ZNF804B: variants seen among roughly 807,000 people sequenced by gnomAD.
The protein encoded by ZNF804B is zinc finger 804B.
ZNF804B carries 80 observed loss-of-function variants against 101.4 expected under a neutral mutation model. The ratio of observed to expected loss-of-function variants is 0.79; its 90% CI spans 0.66 to 0.95. The LOEUF (loss-of-function observed/expected upper bound fraction) is 0.95. Ranked by LOEUF, ZNF804B falls within the 40% of genes least tolerant of loss-of-function variation. ZNF804B has a pLI of 0.00. For missense variants in ZNF804B, 1,673 were observed against 1,561.9 expected (o/e 1.07, Z -1.20); for synonymous variants, 622 against 558.8 (o/e 1.11, Z -1.59).
intron 1 of ZNF804B, among the ~76,000 whole-genome samples, chr7:89,072,022 T>C (rs1265295336): frequency 6.6e-6 from 1 of 152,146 alleles, no homozygotes; most frequent in Admixed American, 6.5e-5. Flanking sequence ...TAACCTAAGC[T>C]AGTCTGATAG....
intron 2 of ZNF804B, among the ~76,000 whole-genome samples, chr7:89,239,271 C>T (rs1168746561): frequency 2.0e-5 from 3 of 152,116 alleles, no homozygotes; most frequent in African/African-American, 7.2e-5. Flanking sequence ...AGAGGGCACA[C>T]ACATATGCAG....
intron 1 of ZNF804B, among the ~76,000 whole-genome samples, chr7:89,070,308 G>A (rs1415341792): frequency 6.6e-6 from 1 of 152,180 alleles, no homozygotes; most frequent in Admixed American, 6.5e-5. Flanking sequence ...AGCTTAGCAA[G>A]TCTGAGAAAC....
chr7:88,795,416 A>G (rs1394910547), intron 1 of ZNF804B, among the ~76,000 whole-genome samples: 1 of 152,132 alleles, frequency 6.6e-6, no homozygotes. Context: ...CATGTCACTA[A>G]TAGTTAATAA....
chr7:88,818,980 C>T (rs554234901), intron 1 of ZNF804B, among the ~76,000 whole-genome samples: 8 of 152,072 alleles, frequency 5.3e-5, no homozygotes, highest in Non-Finnish European at 1.2e-4. Context: ...ATTTTAGGCT[C>T]CTCATACAGC....
chr7:89,194,715 G>A (rs527585861), intron 1 of ZNF804B, among the ~76,000 whole-genome samples: 2 of 149,090 alleles, frequency 1.3e-5, no homozygotes, highest in African/African-American at 4.9e-5. Flanking sequence ...GGTTACTGTA[G>A]CCTTGTAGTA....
At chr7:89,289,212 T>C (rs1790250827) in intron 2 of ZNF804B, among the ~76,000 whole-genome samples, 1 of 152,008 alleles carries the variant, frequency 6.6e-6, no homozygotes, top group African/African-American at 2.4e-5. Context: ...ATTAGCAAAG[T>C]AGTAGCCATA....
In ZNF804B at chr7:89,250,954, G is replaced by A. The variant is rs555768307; in HGVS notation, c.249+32659G>A. On this transcript the variant is annotated intron_variant, in intron 2 of 3. Transcript: ENST00000333190. ...AAGATTGTACCTCAAAATAATAAGA[G>A]CCATCTATGACAAACCCATAGCCAA... Among the ~76,000 whole-genome samples the A allele has an allele frequency of 2.6e-5, 4 of 152,152 alleles. No homozygotes were observed. The East Asian group carries it at 7.7e-4, about 29-fold the overall frequency.
chr7:89,132,004 A>T (rs952288775), intron 1 of ZNF804B, among the ~76,000 whole-genome samples: 1 of 152,044 alleles, frequency 6.6e-6, no homozygotes, highest in African/African-American at 2.4e-5. Flanking sequence ...TATTACCTAT[A>T]TGATTATTAC....
chr7:88,802,032 C>T (rs893240824), intron 1 of ZNF804B, among the ~76,000 whole-genome samples: 3 of 152,040 alleles, frequency 2.0e-5, no homozygotes, highest in African/African-American at 7.2e-5. Context: ...CAGTTTCCCT[C>T]ATGCTGCTCT....
At chr7:88,861,627 C>T (rs1055191397) in intron 1 of ZNF804B, among the ~76,000 whole-genome samples, 1 of 152,118 alleles carries the variant, frequency 6.6e-6, no homozygotes, top group African/African-American at 2.4e-5. Context: ...ACCTTTGATA[C>T]CCAGTGTCTC....
At chr7:89,322,029 T>C (rs38963) in intron 2 of ZNF804B, among the ~76,000 whole-genome samples, 13,842 of 152,236 alleles carry the variant, frequency 0.091, 730 homozygotes, top group Non-Finnish European at 0.12. Flanking sequence ...TGAATATGTA[T>C]GCATCTGATG....
chr7:88,923,002 C>T (rs1792743970), intron 1 of ZNF804B, among the ~76,000 whole-genome samples: 2 of 152,002 alleles, frequency 1.3e-5, no homozygotes, highest in South Asian at 4.1e-4. Context: ...GACAAAATAA[C>T]TCATAGAGAA....
At chr7:88,859,874 A>G (rs1255994061) in intron 1 of ZNF804B, among the ~76,000 whole-genome samples, 1 of 151,896 alleles carries the variant, frequency 6.6e-6, no homozygotes, top group Admixed American at 6.6e-5. Flanking sequence ...AATTCCTGAA[A>G]TTTATTACCT....
intron 1 of ZNF804B, among the ~76,000 whole-genome samples, chr7:89,162,629 T>A (rs1336219398): frequency 6.7e-6 from 1 of 150,060 alleles, no homozygotes; most frequent in Non-Finnish European, 1.5e-5. Context: ...CATCTTTTTA[T>A]ATTTATGGGC....
At chr7:89,067,327 C>T (rs549994240) in intron 1 of ZNF804B, among the ~76,000 whole-genome samples, 5 of 152,158 alleles carry the variant, frequency 3.3e-5, no homozygotes, top group Non-Finnish European at 5.9e-5. Flanking sequence ...CCCAGGCCTT[C>T]GTAGGGCTTA....
intron 1 of ZNF804B, among the ~76,000 whole-genome samples, chr7:89,038,346 A>G (rs1402475222): frequency 1.3e-5 from 2 of 152,182 alleles, no homozygotes; most frequent in African/African-American, 2.4e-5. Context: ...TCTTTTTGAT[A>G]AAAAACATCA....
chr7:89,038,653 G>A (rs1438818348), intron 1 of ZNF804B, among the ~76,000 whole-genome samples: 1 of 152,000 alleles, frequency 6.6e-6, no homozygotes, highest in Non-Finnish European at 1.5e-5. Context: ...TTGCAGTGTG[G>A]AAGCTATTCA....
At position 89,215,606 on chromosome 7, in the gene ZNF804B, G is replaced by A. The variant is rs112026951; in HGVS notation, c.109-2549G>A. On this transcript the variant is annotated intron_variant, in intron 1 of 3. Transcript: ENST00000333190. ...AAGAAAGAAGAACTATGATTAGGCC[G>A]GGGGCGGTGGCTCGCGCCTGTAATC... Among the ~76,000 whole-genome samples the A allele has an allele frequency of 2.5e-3, 379 of 152,006 alleles. 3 individuals are homozygous for A. The highest frequency in any genetic ancestry group is 8.7e-3 in the African/African-American group (361 of 41,506).
intron 1 of ZNF804B, among the ~76,000 whole-genome samples, chr7:89,179,137 A>G (rs529059599): frequency 6.6e-6 from 1 of 152,194 alleles, no homozygotes; most frequent in East Asian, 1.9e-4. Context: ...GTTTTGAGGT[A>G]GTTTTATTTG....
Sources: allele counts gnomAD v4.1 joint callset (sites outside exome capture counted in the v4.1 genomes callset), GRCh38; gene constraint gnomAD v4.1.1; transcripts MANE v1.5; gene names NCBI Gene and HGNC (gene_info 2026-07-23, HGNC 2026-07-21).